The following MAFG variants were observed in gnomAD, a reference collection of about 807,000 sequenced individuals.
MAFG encodes transcription factor MafG.
MAFG carries 3 observed loss-of-function variants against 12.2 expected under a neutral mutation model. That is an observed-to-expected ratio of 0.25 (90% CI 0.11 to 0.64). MAFG has a LOEUF of 0.64. MAFG is among the 30% of genes least tolerant of loss of function. The pLI, the probability that MAFG is intolerant of heterozygous loss-of-function variation, is 0.85. For missense variants in MAFG, 153 were observed against 235.5 expected, an observed-to-expected ratio of 0.65 and a Z score of 2.29; for synonymous variants, 126 against 109.1, an observed-to-expected ratio of 1.15 and a Z score of -0.96.
At chr17:81,925,520 A>G (rs1773842766) in intron 1 of MAFG, among the ~76,000 whole-genome samples, 3 of 152,222 alleles carry the variant, frequency 2.0e-5, no homozygotes. Flanking sequence ...GAGAAGATGT[A>G]CATAAATGGG....
Position 81,918,579 on chromosome 17 carries a change from C to G in MAFG, c.*4026G>C, listed in dbSNP as rs1419933217. The G allele has an allele frequency of 6.5e-6, 1 of 154,292 alleles. No homozygotes were observed. Among genetic ancestry groups the G allele is most frequent in the Non-Finnish European group, 1.5e-5 (1 of 68,824 alleles). The allele number at this position is 154,292 out of a possible 1,614,324, so 9.6% of individuals were successfully genotyped here. ...CCACCCCAGCAGATCCCGGGGTCTT[C>G]TCCCACACACACAACCTCCCCTGGC... On this transcript the variant is annotated 3_prime_UTR_variant, in exon 3 of 3. Coordinates refer to ENST00000357736, the MANE Select transcript of MAFG (RefSeq NM_002359.4).
rs2040900086 is a variant in MAFG at position 81,922,456 on chromosome 17, C to T, written c.*149G>A. 4 of 598,546 alleles carry T rather than the reference C, an allele frequency of 6.7e-6. No individual in the cohort carries two copies. Among genetic ancestry groups the T allele is most frequent in the Non-Finnish European group, 1.1e-5 (4 of 372,402 alleles). 37.1% of individuals were successfully genotyped at this position (598,546 alleles called of 1,614,324 possible). ...GATCAAAGGGGCTCAGCCCGGCGCC[C>T]CTGGGGTACAGGTTGTGCTTTGCAG... On this transcript the variant is annotated 3_prime_UTR_variant, in exon 3 of 3. Coordinates refer to ENST00000357736, the MANE Select transcript of MAFG (RefSeq NM_002359.4).
At position 81,924,964 on chromosome 17, in the gene MAFG, C is replaced by T. The variant is rs902128574; in HGVS notation, c.-29-1750G>A. ...TGCCTCCTCGACAGATTTTGCCCTC[C>T]GCAGAAGGCCTGAACTCAGCACAAG... On this transcript the variant is annotated intron_variant, in intron 1 of 2. Coordinates refer to ENST00000357736, the MANE Select transcript of MAFG (RefSeq NM_002359.4). This position sits in a 1 kb window ranked among gnomAD's most constrained non-coding sequence, Gnocchi z 4.7. 2.0e-5 allele frequency among the ~76,000 whole-genome samples: 3 copies of T among 152,216 alleles called. No homozygotes were observed. Among genetic ancestry groups the T allele is most frequent in the African/African-American group, 7.2e-5 (3 of 41,458 alleles).
Position 81,926,532 on chromosome 17 carries a change from T to C in MAFG, c.-30+996A>G, listed in dbSNP as rs1420071142. ...ACCCCTCTTTCTCCCAGGACCTCGA[T>C]CTCTGGCCAGGGGCTGTCCAACCAG... On this transcript the variant is annotated intron_variant, in intron 1 of 2. Coordinates refer to ENST00000357736, the MANE Select transcript of MAFG (RefSeq NM_002359.4). This position sits in a 1 kb window ranked among gnomAD's most constrained non-coding sequence, Gnocchi z 4.6. Among the ~76,000 whole-genome samples the C allele has an allele frequency of 2.0e-5, 3 of 152,098 alleles. No individual in the cohort carries two copies. Among genetic ancestry groups the C allele is most frequent in the African/African-American group, 7.2e-5 (3 of 41,416 alleles).
At chr17:81,923,255 T>TCGCCG in intron 1 of MAFG, 41 bp from the exon 2 acceptor site, 2 of 371,732 alleles carry the variant, frequency 5.4e-6, no homozygotes, top group Non-Finnish European at 7.8e-6. Context: ...GAGACCACCC[T>TCGCCG]CGCCGCACCC....
Position 81,920,191 on chromosome 17 carries a change from G to T in MAFG, c.*2414C>A. On this transcript the variant is annotated 3_prime_UTR_variant, in exon 3 of 3. Coordinates refer to ENST00000357736, the MANE Select transcript of MAFG (RefSeq NM_002359.4). ...AGACAAGATCAGACTGAGGGGAGGG[G>T]GATGAAGTCACTAAATGACAAGAGT... is the stretch of plus-strand genomic sequence containing the variant. The T allele has an allele frequency of 6.6e-6, 1 of 152,264 alleles. No individual in the cohort carries two copies. The highest frequency in any genetic ancestry group is 3.4e-3 in the Middle Eastern group (1 of 294). 9.4% of individuals were successfully genotyped at this position (152,264 alleles called of 1,614,324 possible).
At chr17:81,928,014 G>C (rs2040957068), upstream of MAFG, 1 of 152,232 alleles carries the variant, frequency 6.6e-6, no homozygotes. The surrounding 1 kb of genome is among the most constrained non-coding windows in gnomAD (Gnocchi z 8.1). Flanking sequence ...GTCCAAGCTC[G>C]CGGACGCCGG....
At position 81,922,647 on chromosome 17, in the gene MAFG, G is replaced by C; in HGVS notation, c.447C>G (p.Ser149Arg). 1 of 1,503,250 alleles carries C rather than the reference G, an allele frequency of 6.7e-7. No homozygotes were observed. The highest frequency in any genetic ancestry group is 8.8e-7 in the Non-Finnish European group (1 of 1,130,668). The allele number at this position is 1,503,250 out of a possible 1,614,324, so 93.1% of individuals were successfully genotyped here. A position where few individuals can be genotyped will look rare whatever the true frequency, so the allele number is the denominator to read the frequency against. Reference protein sequence around the residue: ...PLVPGKVAATSVITIVKSKTD... With the variant: ...PLVPGKVAATRVITIVKSKTD... ...TCTTGGACTTTACTATTGTGATGAC[G>C]CTGGTGGCGGCCACCTTGCCTGGGA... Residue 149 changes from serine (S) to arginine (R), a missense_variant, in exon 3 of 3, where the codon AGC becomes AGG. Physicochemically the swap from Ser to Arg is moderately radical, Grantham distance 110. Coordinates refer to ENST00000357736, the MANE Select transcript of MAFG (RefSeq NM_002359.4).
rs1295619579 is a variant in MAFG, at chr17:81,926,916, C to A, written c.-30+612G>T. Among the ~76,000 whole-genome samples, 1 of 152,114 alleles carries A rather than the reference C, an allele frequency of 6.6e-6. No individual in the cohort carries two copies. Among genetic ancestry groups the A allele is most frequent in the Non-Finnish European group, 1.5e-5 (1 of 68,004 alleles). On this transcript the variant is annotated intron_variant, in intron 1 of 2. Transcript: ENST00000357736. The surrounding 1 kb of genome is among the most constrained non-coding windows in gnomAD (Gnocchi z 4.6). ...CGGCCTTTTAGTCCCCGAGGCCCCT[C>A]GCTCGAATCCCCTCCGGTATCAGCT... is the stretch of plus-strand genomic sequence containing the variant.
upstream of MAFG, chr17:81,928,347 A>C (rs528444007): frequency 6.6e-6 from 1 of 152,374 alleles, no homozygotes; most frequent in Admixed American, 6.5e-5. The surrounding 1 kb of genome is among the most constrained non-coding windows in gnomAD (Gnocchi z 8.1). Context: ...ACTCGGGAGG[A>C]AGATAAACGG....
At chr17:81,925,575 G>A (rs1391197461) in intron 1 of MAFG, among the ~76,000 whole-genome samples, 12 of 152,170 alleles carry the variant, frequency 7.9e-5, no homozygotes, top group African/African-American at 1.4e-4. Context: ...TTGGGAGGCC[G>A]AGGTGGGTGG....
upstream of MAFG, among the ~76,000 whole-genome samples, chr17:81,929,003 G>A (rs894541127): frequency 6.6e-6 from 1 of 152,150 alleles, no homozygotes; most frequent in African/African-American, 2.4e-5. This position sits in a 1 kb window ranked among gnomAD's most constrained non-coding sequence, Gnocchi z 5.7. Context: ...CGCCCTCCGT[G>A]CCACACAGCG....
Position 81,926,570 on chromosome 17 carries a change from G to T in MAFG, c.-30+958C>A, listed in dbSNP as rs570068396. 2.0e-4 allele frequency among the ~76,000 whole-genome samples: 30 copies of T among 152,250 alleles called. 1 individual carries two copies. In the East Asian group the frequency reaches 5.4e-3, roughly 27 times the overall value. On this transcript the variant is annotated intron_variant, in intron 1 of 2. Coordinates refer to ENST00000357736, the MANE Select transcript of MAFG (RefSeq NM_002359.4). The surrounding 1 kb of genome is among the most constrained non-coding windows in gnomAD (Gnocchi z 4.6). ...GCTGTCCAACCAGGCCAGTCCCAGG[G>T]AAAGCCGACTTCCCCTTTGGCTAGC...
At position 81,921,572 on chromosome 17, in the gene MAFG, G is replaced by C. The variant is rs371632804; in HGVS notation, c.*1033C>G. ...CTCACGGCTTGGCTTTTTTTTTTTT[G>C]TCTTTTTTTTAAACTAAGTTTTATA... is the stretch of plus-strand genomic sequence containing the variant. On this transcript the variant is annotated 3_prime_UTR_variant, in exon 3 of 3. Transcript: ENST00000357736. 1 of 140,942 alleles carries C rather than the reference G, an allele frequency of 7.1e-6. No homozygotes were observed. Among genetic ancestry groups the C allele is most frequent in the Non-Finnish European group, 1.6e-5 (1 of 63,910 alleles). 8.7% of individuals were successfully genotyped at this position (140,942 alleles called of 1,614,324 possible). A position where few individuals can be genotyped will look rare whatever the true frequency, so the allele number is the denominator to read the frequency against.
At chr17:81,927,838 C>T (rs967139391), upstream of MAFG, 3 of 152,282 alleles carry the variant, frequency 2.0e-5, no homozygotes, top group Non-Finnish European at 2.9e-5. Flanking sequence ...CATGCGCAAC[C>T]CGCGCGCCGT....
At position 81,921,487 on chromosome 17, in the gene MAFG, G is replaced by A. The variant is rs900850102; in HGVS notation, c.*1118C>T. The A allele has an allele frequency of 6.6e-6, 1 of 152,244 alleles. No homozygotes were observed. Among genetic ancestry groups the A allele is most frequent in the Non-Finnish European group, 1.5e-5 (1 of 68,044 alleles). 9.4% of individuals were successfully genotyped at this position (152,244 alleles called of 1,614,324 possible). The stretch of plus-strand genomic sequence containing the variant: ...AAGAGACGGAAGCAGGAAGGGCAGA[G>A]GAGTAAGTCACTTTCGGTACAATTG... On this transcript the variant is annotated 3_prime_UTR_variant, in exon 3 of 3. Transcript: ENST00000357736.
rs1567914852 is a variant in MAFG, at chr17:81,923,262, A to ACCG, written c.-29-49_-29-48insCGG. ...GTACCCTGGAGACCACCCTCGCCGCACCCCCCCCCCCCCGCCCCCGGCCCA... is the reference window on the plus strand; with the variant it reads ...GTACCCTGGAGACCACCCTCGCCGCACCGCCCCCCCCCCCCCGCCCCCGGCCCA... On this transcript the variant is annotated intron_variant, in intron 1 of 2. Transcript: ENST00000357736. 7 of 362,740 alleles carry ACCG rather than the reference A, an allele frequency of 1.9e-5. No individual in the cohort carries two copies. In the African/African-American group the frequency reaches 2.0e-4, roughly 11 times the overall value. The allele number at this position is 362,740 out of a possible 1,614,324, so 22.5% of individuals were successfully genotyped here.
rs779264492 is a variant in MAFG at position 81,923,181 on chromosome 17, G to A, written c.5C>T (p.Thr2Met). 6 of 1,602,448 alleles carry A rather than the reference G, an allele frequency of 3.7e-6. No homozygotes were observed. Among genetic ancestry groups the A allele is most frequent in the South Asian group, 1.1e-5 (1 of 90,360 alleles). Residue 2 changes from threonine to methionine, a missense_variant, in exon 2 of 3, where the codon ACG becomes ATG. By Grantham distance (81) the Thr-to-Met change is moderately conservative. Around this residue, in one of 3 missense-constraint regions of MAFG, gnomAD observed 43 missense variants for 65.6 expected, o/e 0.66. Transcript: ENST00000357736. M[T>M]TPNKGNKALK... Reference sequence around the variant, plus strand: ...GGCCTTGTTTCCTTTATTGGGGGTCGTCATAACCCGGGGGCACAGCGAGCA... The same window carrying A: ...GGCCTTGTTTCCTTTATTGGGGGTCATCATAACCCGGGGGCACAGCGAGCA...
intron 1 of MAFG, among the ~76,000 whole-genome samples, chr17:81,927,111 G>C (rs1189762253): frequency 1.3e-5 from 2 of 151,550 alleles, no homozygotes; most frequent in African/African-American, 4.8e-5. Context: ...GAGAGCTGAC[G>C]CGGCCACCGG....
Sources: allele counts gnomAD v4.1 joint callset (sites outside exome capture counted in the v4.1 genomes callset), GRCh38; gene constraint gnomAD v4.1.1; regional missense constraint gnomAD v4.1.1; non-coding constraint Gnocchi (gnomAD v3.1); transcripts MANE v1.5; gene names NCBI Gene and HGNC (gene_info 2026-07-23, HGNC 2026-07-21).